Variants in SCARB2 observed in about 807,000 individuals in gnomAD.
SCARB2 encodes the protein lysosome membrane protein 2.
Under a neutral mutation model 58.6 loss-of-function variants are expected in SCARB2, and 29 were observed. That is an observed-to-expected ratio of 0.49 (90% confidence interval 0.37 to 0.67). The LOEUF is 0.67. SCARB2 is among the 30% of genes least tolerant of loss of function. SCARB2 has a pLI of 0.00. For synonymous variants in SCARB2, 195 were observed against 210.1 expected, an observed-to-expected ratio of 0.93 and a Z score of 0.62; for missense variants, 488 against 578.5, an observed-to-expected ratio of 0.84 and a Z score of 1.60.
At chr4:76,210,040 G>A (rs1019132711) in intron 1 of SCARB2, among the ~76,000 whole-genome samples, 1 of 152,204 alleles carries the variant, frequency 6.6e-6, no homozygotes, top group Non-Finnish European at 1.5e-5. Context: ...GATCTCAGAA[G>A]TTTGGAGCTA....
intron 1 of SCARB2, among the ~76,000 whole-genome samples, chr4:76,228,732 A>G (rs1449601078): frequency 6.6e-6 from 1 of 152,048 alleles, no homozygotes; most frequent in Non-Finnish European, 1.5e-5. Context: ...TTAATCTGAT[A>G]GATTTTCCTT....
At position 76,195,811 on chromosome 4, in the gene SCARB2, AG is replaced by A; in HGVS notation, c.170del (p.Pro57LeufsTer76). Reference protein sequence around the residue: ...TEAFDSWEKPPLPVYTQFYFF... With the variant: ...TEAFDSWEKPXLPVYTQFYFF... ...AATAGAACTGAGTATACACAGGCAG[AG>A]GGGGCTTCTCCCAGGAGTCAAATGC... On this transcript the variant is annotated frameshift_variant, in exon 2 of 12. Transcript: ENST00000264896. LOFTEE classifies it high-confidence loss of function. 1 of 1,613,828 alleles carries A rather than the reference AG, an allele frequency of 6.2e-7. No individual in the cohort carries two copies. The highest frequency in any genetic ancestry group is 8.5e-7 in the Non-Finnish European group (1 of 1,179,670).
At position 76,179,559 on chromosome 4, in the gene SCARB2, A is replaced by G. The variant is rs1304733889; in HGVS notation, c.570T>C (p.Val190=). ...YKDEILSLIH[V]FRPDISPYFG... ...AATAGGGAGAGATATCGGGCCTGAA[A>G]ACATGGATAAGGGACAAGATTTCAT... The change falls in exon 4 of 12, where the codon GTT becomes GTC. Residue 190 remains valine (V), a synonymous_variant. Coordinates refer to ENST00000264896, the MANE Select transcript of SCARB2 (RefSeq NM_005506.4). 3 of 1,614,212 alleles carry G rather than the reference A, an allele frequency of 1.9e-6. No homozygotes were observed. Among genetic ancestry groups the G allele is most frequent in the Admixed American group, 3.3e-5 (2 of 60,036 alleles).
Position 76,213,709 on chromosome 4 carries a change from C to G in SCARB2, c.-166G>C, listed in dbSNP as rs1418572057. 5 of 540,234 alleles carry G rather than the reference C, an allele frequency of 9.3e-6. No homozygotes were observed. The highest frequency in any genetic ancestry group is 4.9e-4 in the Middle Eastern group (1 of 2,030). 33.5% of individuals were successfully genotyped at this position (540,234 alleles called of 1,614,324 possible). On this transcript the variant is annotated 5_prime_UTR_variant, in exon 1 of 12. Coordinates refer to ENST00000264896, the MANE Select transcript of SCARB2 (RefSeq NM_005506.4). Reference sequence around the variant, plus strand: ...CGCAGCTCTGGGCTCCGCGGCCTGGCGAGCGCGGCCCCGGGTGCACCGGGC... The same window carrying G: ...CGCAGCTCTGGGCTCCGCGGCCTGGGGAGCGCGGCCCCGGGTGCACCGGGC...
chr4:76,229,661 GAA>G (rs1733459607), intron 1 of SCARB2, among the ~76,000 whole-genome samples: 1 of 152,206 alleles, frequency 6.6e-6, no homozygotes, highest in Non-Finnish European at 1.5e-5. Flanking sequence ...CTGGTGCTGA[GAA>G]ATACCTGATT....
intron 1 of SCARB2, among the ~76,000 whole-genome samples, chr4:76,222,255 C>T (rs1192092468): frequency 1.3e-5 from 2 of 149,910 alleles, no homozygotes; most frequent in African/African-American, 4.9e-5. Context: ...GAGACCGAGT[C>T]TCACTCTGTT....
intron 8 of SCARB2, among the ~76,000 whole-genome samples, chr4:76,168,744 G>C (rs976963103): frequency 1.1e-4 from 17 of 152,204 alleles, no homozygotes; most frequent in African/African-American, 4.1e-4. Context: ...TGATTCAGTA[G>C]ACTGGCCATT....
chr4:76,213,140 A>ATCT, intron 1 of SCARB2: 1 of 424,798 alleles, frequency 2.4e-6, no homozygotes, highest in Admixed American at 3.5e-5. Flanking sequence ...TGGGGTGTAG[A>ATCT]CGGAAGGAGT....
At chr4:76,199,966 G>A (rs1578735660) in intron 1 of SCARB2, among the ~76,000 whole-genome samples, 1 of 152,182 alleles carries the variant, frequency 6.6e-6, no homozygotes, top group East Asian at 1.9e-4. Flanking sequence ...TGATCCTCAG[G>A]GCATTCAAGT....
chr4:76,216,993 C>T (rs1389357458), upstream of SCARB2, among the ~76,000 whole-genome samples: 1 of 152,214 alleles, frequency 6.6e-6, no homozygotes, highest in African/African-American at 2.4e-5. Context: ...ATCTTCTCTA[C>T]CCACAGCTAT....
At position 76,176,108 on chromosome 4, in the gene SCARB2, T is replaced by C; in HGVS notation, c.705-198A>G. On this transcript the variant is annotated intron_variant, in intron 5 of 11. Coordinates refer to ENST00000264896, the MANE Select transcript of SCARB2 (RefSeq NM_005506.4). Reference sequence around the variant, plus strand: ...CCCAAATCAGCTTTCATAGAGGCAATGGCCAAATAGCCCAAAACATGTGGT... The same window carrying C: ...CCCAAATCAGCTTTCATAGAGGCAACGGCCAAATAGCCCAAAACATGTGGT... 4.5e-6 allele frequency: 3 copies of C among 669,086 alleles called. No individual in the cohort carries two copies. In the South Asian group the frequency reaches 5.8e-5, roughly 13 times the overall value. 41.4% of individuals were successfully genotyped at this position (669,086 alleles called of 1,614,324 possible).
chr4:76,227,880 A>G (rs1252332669), intron 1 of SCARB2, among the ~76,000 whole-genome samples: 1 of 152,184 alleles, frequency 6.6e-6, no homozygotes, highest in Non-Finnish European at 1.5e-5. Flanking sequence ...TTTGCCTAGA[A>G]TATCTTTTTC....
chr4:76,173,941 T>G (rs551366827), intron 7 of SCARB2: 2 of 641,920 alleles, frequency 3.1e-6, no homozygotes, highest in Admixed American at 4.9e-5. Flanking sequence ...TTTTGTTTGT[T>G]TTGTTTTTTA....
At chr4:76,211,749 G>A (rs1211397146) in intron 1 of SCARB2, among the ~76,000 whole-genome samples, 1 of 152,174 alleles carries the variant, frequency 6.6e-6, no homozygotes, top group African/African-American at 2.4e-5. Flanking sequence ...GAATAGCGAT[G>A]TGTGACTTAC....
At chr4:76,171,246 TA>T (rs1732123779) in intron 7 of SCARB2, among the ~76,000 whole-genome samples, 1 of 152,154 alleles carries the variant, frequency 6.6e-6, no homozygotes, top group Admixed American at 6.5e-5. Flanking sequence ...CTTGAAAATG[TA>T]TTTTTTAAAT....
chr4:76,227,466 C>T lies in SCARB2; in HGVS notation c.-358+6837G>A, dbSNP rs148920031. ...CCTGTTTTGTGGCCTATCATATGGT[C>T]TATCTTGGAGAATGTTCCATGGGCT... On this transcript the variant is annotated intron_variant, in intron 1 of 11. Coordinates refer to the SCARB2 transcript ENST00000638295. 3.0e-4 allele frequency among the ~76,000 whole-genome samples: 45 copies of T among 152,250 alleles called. No individual in the cohort carries two copies. The East Asian group carries it at 8.1e-3, about 27-fold the overall frequency.
chr4:76,168,285 GA>G, intron 9 of SCARB2, 117 bp downstream of exon 9: 1 of 814,380 alleles, frequency 1.2e-6, no homozygotes, highest in South Asian at 1.4e-5. Context: ...CCCCATCCCT[GA>G]AGGGCAGGGG....
In SCARB2 at chr4:76,175,773, T is replaced by TA; in HGVS notation, c.824+17dup. The stretch of plus-strand genomic sequence containing the variant: ...AAGACCTTATTTTTGAAAAAGAACT[T>TA]ATCTTTAAAGCTTTTACCTGCAAAA... On this transcript the variant is annotated intron_variant, in intron 6 of 11. Transcript: ENST00000264896. 6.2e-7 allele frequency: 1 copy of TA among 1,613,750 alleles called. No individual in the cohort carries two copies. Among genetic ancestry groups the TA allele is most frequent in the Non-Finnish European group, 8.5e-7 (1 of 1,179,924 alleles).
At chr4:76,179,742 C>G in intron 3 of SCARB2, 37 bp from the exon 4 acceptor site, 2 of 1,509,620 alleles carry the variant, frequency 1.3e-6, no homozygotes, top group African/African-American at 1.4e-5. Flanking sequence ...GCAGCATCCC[C>G]TCCAAAGCAC....
Sources: gnomAD v4.1 joint callset for allele counts (sites outside exome capture counted in the v4.1 genomes callset) on GRCh38, gnomAD v4.1.1 for gene constraint, MANE v1.5 for transcripts, NCBI Gene and HGNC (gene_info 2026-07-23, HGNC 2026-07-21) for gene names.